The following MYT1L variants were observed in gnomAD, a reference collection of about 807,000 sequenced individuals.
The protein encoded by MYT1L is myelin transcription factor 1-like protein.
Under a neutral mutation model 126.7 loss-of-function variants are expected in MYT1L, and 12 were observed. The observed-to-expected ratio is 0.09, with a 90% CI of 0.06 to 0.15. The LOEUF (loss-of-function observed/expected upper bound fraction) is 0.15, where lower values mean the gene tolerates loss of function less well. Ranked by LOEUF, MYT1L falls within the 10% of genes least tolerant of loss-of-function variation. The probability of loss-of-function intolerance (pLI) is 1.00; values close to 1 mark genes in which losing one functional copy is unlikely to be tolerated. For synonymous variants in MYT1L, 541 were observed against 604.2 expected (o/e 0.90, Z 1.53); for missense variants, 979 against 1,585.2 (o/e 0.62, Z 6.49).
At chr2:2,069,518 G>A (rs1183713023) in intron 3 of MYT1L, among the ~76,000 whole-genome samples, 1 of 152,096 alleles carries the variant, frequency 6.6e-6, no homozygotes, top group Non-Finnish European at 1.5e-5. Context: ...TGTGAACAGT[G>A]CCACAATAAA....
chr2:2,322,033 A>G (rs950388792), intron 1 of MYT1L, among the ~76,000 whole-genome samples: 1 of 152,216 alleles, frequency 6.6e-6, no homozygotes, highest in African/African-American at 2.4e-5. Flanking sequence ...AAATACACAT[A>G]TACACGCACT....
At chr2:2,006,376 A>G (rs1179752969) in intron 4 of MYT1L, among the ~76,000 whole-genome samples, 1 of 152,166 alleles carries the variant, frequency 6.6e-6, no homozygotes, top group Non-Finnish European at 1.5e-5. Context: ...TTGTGACAAG[A>G]GCAGCTAAAA....
chr2:2,068,579 T>C (rs1574957270), intron 3 of MYT1L, among the ~76,000 whole-genome samples: 1 of 152,208 alleles, frequency 6.6e-6, no homozygotes, highest in East Asian at 1.9e-4. Context: ...ACTCACTTTG[T>C]AAATAAACAT....
intron 21 of MYT1L, chr2:1,816,452 G>A (rs2037656459): frequency 1.3e-5 from 2 of 152,628 alleles, no homozygotes; most frequent in Admixed American, 6.5e-5. Context: ...AGAGGGAGGA[G>A]CCGCTCAAGC....
At chr2:2,256,879 T>C (rs965661308) in intron 2 of MYT1L, among the ~76,000 whole-genome samples, 10 of 152,212 alleles carry the variant, frequency 6.6e-5, no homozygotes, top group African/African-American at 2.4e-4. Context: ...TTCACATGTA[T>C]GAGAGTGTGC....
chr2:2,106,596 C>A (rs1332617030), intron 3 of MYT1L, among the ~76,000 whole-genome samples: 1 of 151,820 alleles, frequency 6.6e-6, no homozygotes. Flanking sequence ...CCAGCCTGGG[C>A]AACAGAGTGA....
chr2:1,839,287 G>T lies in MYT1L; in HGVS notation c.2942C>A (p.Ala981Glu). The T allele has an allele frequency of 6.2e-7, 1 of 1,613,724 alleles. No homozygotes were observed. Among genetic ancestry groups the T allele is most frequent in the Non-Finnish European group, 8.5e-7 (1 of 1,179,904 alleles). ...GTACCCGTCTTTCTGCCTCTTGGCCGCCAAGGGGCACCCGGAGGCGCTGCG... is the reference window on the plus strand; with the variant it reads ...GTACCCGTCTTTCTGCCTCTTGGCCTCCAAGGGGCACCCGGAGGCGCTGCG... ...SHRSASGCPLAAKRQKDGYLN... is the reference protein window; with the variant it reads ...SHRSASGCPLEAKRQKDGYLN... The change falls in exon 21 of 25, where the codon GCG (alanine) becomes GAG (glutamate). Residue 981 changes from alanine to glutamate, a missense_variant. By Grantham distance (107) the Ala-to-Glu change is moderately radical. Transcript: ENST00000647738.
chr2:1,892,764 C>T (rs948487914), intron 14 of MYT1L, among the ~76,000 whole-genome samples: 4 of 152,138 alleles, frequency 2.6e-5, no homozygotes, highest in African/African-American at 7.2e-5. Context: ...CCTGGATCCG[C>T]GGTCCCTTAT....
chr2:2,178,695 T>C (rs2091095480), intron 2 of MYT1L, among the ~76,000 whole-genome samples: 2 of 152,134 alleles, frequency 1.3e-5, no homozygotes. Flanking sequence ...GTAGAATGGC[T>C]TTTGGCATTG....
intron 18 of MYT1L, among the ~76,000 whole-genome samples, chr2:1,859,843 C>T (rs918522169): frequency 1.3e-5 from 2 of 152,216 alleles, no homozygotes; most frequent in East Asian, 1.9e-4. Flanking sequence ...GGGGACAGCG[C>T]GCCGGATGAG....
intron 3 of MYT1L, among the ~76,000 whole-genome samples, chr2:2,092,970 T>C (rs1366430812): frequency 6.6e-6 from 1 of 152,222 alleles, no homozygotes; most frequent in African/African-American, 2.4e-5. Context: ...CACATGGGTG[T>C]GTGTGTAACT....
intron 2 of MYT1L, among the ~76,000 whole-genome samples, chr2:2,249,177 G>A (rs917866559): frequency 6.6e-6 from 1 of 151,270 alleles, no homozygotes; most frequent in Non-Finnish European, 1.5e-5. Context: ...AATTTTGCAG[G>A]ATACAAAATT....
At chr2:2,250,892 C>T (rs2094629642) in intron 2 of MYT1L, among the ~76,000 whole-genome samples, 1 of 152,018 alleles carries the variant, frequency 6.6e-6, no homozygotes, top group South Asian at 2.1e-4. Context: ...AAAGATCCTA[C>T]TCTTTAAATA....
chr2:2,288,762 T>C lies in MYT1L; in HGVS notation c.-520-4259A>G, dbSNP rs574025941. Among the ~76,000 whole-genome samples, 6 of 152,270 alleles carry C rather than the reference T, an allele frequency of 3.9e-5. No individual in the cohort carries two copies. The East Asian group carries it at 7.7e-4, about 20-fold the overall frequency. On this transcript the variant is annotated intron_variant, in intron 1 of 24. Coordinates refer to ENST00000647738, the MANE Select transcript of MYT1L (RefSeq NM_001303052.2). ...CTAGAGTATCAGTTATCAGGTTAAT[T>C]TTACAATGAGCTACACTTTGGAATT...
At chr2:2,123,077 C>A (rs1272565999) in intron 3 of MYT1L, among the ~76,000 whole-genome samples, 9 of 152,042 alleles carry the variant, frequency 5.9e-5, no homozygotes, top group South Asian at 4.2e-4. Flanking sequence ...TGTTTCCTCC[C>A]CAACATTCTG....
chr2:2,096,427 A>G (rs2077476307), intron 3 of MYT1L, among the ~76,000 whole-genome samples: 2 of 152,188 alleles, frequency 1.3e-5, no homozygotes, highest in South Asian at 4.1e-4. Flanking sequence ...TATATCAAAC[A>G]TGAGTTCATT....
chr2:1,937,337 G>A (rs1022792258), intron 9 of MYT1L, among the ~76,000 whole-genome samples: 2 of 152,138 alleles, frequency 1.3e-5, no homozygotes, highest in Non-Finnish European at 2.9e-5. Context: ...AGGTCCTAAT[G>A]TCTGCAGCCA....
chr2:1,939,301 T>C (rs1328658571), intron 9 of MYT1L, among the ~76,000 whole-genome samples: 8 of 152,236 alleles, frequency 5.3e-5, no homozygotes, highest in African/African-American at 1.9e-4. Flanking sequence ...CCCAGGGACA[T>C]AGCAGTCACT....
chr2:2,286,782 G>A (rs1222072203), intron 1 of MYT1L, among the ~76,000 whole-genome samples: 1 of 152,136 alleles, frequency 6.6e-6, no homozygotes, highest in Non-Finnish European at 1.5e-5. Context: ...ACTATGCCAG[G>A]ACACAGCAGG....
Sources: allele counts gnomAD v4.1 joint callset (sites outside exome capture counted in the v4.1 genomes callset), GRCh38; gene constraint gnomAD v4.1.1; transcripts MANE v1.5; gene names NCBI Gene and HGNC (gene_info 2026-07-23, HGNC 2026-07-21).